ABCC11: variants seen among roughly 807,000 people sequenced by gnomAD.
ABCC11 encodes ATP binding cassette subfamily C member 11.
A neutral mutation model predicts 149.3 loss-of-function variants in ABCC11; 135 were observed. The observed-to-expected ratio is 0.90, with a 90% CI of 0.79 to 1.04. ABCC11 has a LOEUF of 1.04. ABCC11 is among the 50% of genes least tolerant of loss of function. ABCC11 has a pLI of 0.00. For synonymous variants in ABCC11, 665 were observed against 671.4 expected (o/e 0.99, Z 0.15); for missense variants, 1,680 against 1,722.1 (o/e 0.98, Z 0.43).
chr16:48,235,638 A>G (rs965222943), intron 1 of ABCC11, among the ~76,000 whole-genome samples: 3 of 152,174 alleles, frequency 2.0e-5, no homozygotes, highest in Non-Finnish European at 2.9e-5. Context: ...CTTCCTTGGC[A>G]GTCCCGGAAG....
At chr16:48,244,184 C>T (rs919217897) in intron 1 of ABCC11, 13 of 495,556 alleles carry the variant, frequency 2.6e-5, no homozygotes, top group African/African-American at 8.1e-5. Flanking sequence ...CGTCTTTCCG[C>T]ATAGGTAGGA....
chr16:48,179,628 T>C (rs958359885), intron 23 of ABCC11, among the ~76,000 whole-genome samples: 1 of 152,040 alleles, frequency 6.6e-6, no homozygotes, highest in African/African-American at 2.4e-5. Flanking sequence ...AGATCCCAGC[T>C]GGATGGAAAG....
chr16:48,177,148 TATC>T, intron 24 of ABCC11, 35 bp from the exon 25 acceptor site: 1 of 1,592,672 alleles, frequency 6.3e-7, no homozygotes, highest in Non-Finnish European at 8.6e-7. Context: ...AATCAATAGT[TATC>T]ATCTATCTCG....
At chr16:48,246,556 G>C (rs1971397575) in intron 1 of ABCC11, among the ~76,000 whole-genome samples, 1 of 152,118 alleles carries the variant, frequency 6.6e-6, no homozygotes, top group Non-Finnish European at 1.5e-5. Context: ...GATTTTGGAA[G>C]GTTTTTATTA....
At chr16:48,188,050 T>G (rs2150771457) in intron 20 of ABCC11, among the ~76,000 whole-genome samples, 1 of 152,314 alleles carries the variant, frequency 6.6e-6, no homozygotes. Flanking sequence ...ACTTGGAAGT[T>G]GCCACCCTTT....
rs200008945 is a variant in ABCC11, at chr16:48,231,874, G to A, written c.48C>T (p.Leu16=). 31 of 1,614,110 alleles carry A rather than the reference G, an allele frequency of 1.9e-5. No individual in the cohort carries two copies. In the East Asian group the frequency reaches 2.5e-4, roughly 13 times the overall value. Residue 16 remains leucine, a synonymous_variant, in exon 2 of 30, where the codon CTC becomes CTT. Coordinates refer to ENST00000356608, the MANE Select transcript of ABCC11 (RefSeq NM_001370497.1). ...CGCCTATGTCGATGCCACGATTCAC[G>A]AGGCCACCAGAAGAGTTGGGCACCC... ...TYWVPNSSGG[L]VNRGIDIGDD...
chr16:48,244,344 C>G (rs1971206537), intron 1 of ABCC11: 1 of 1,400,716 alleles, frequency 7.1e-7, no homozygotes, highest in Non-Finnish European at 9.5e-7. Context: ...GGGCAGCTGT[C>G]TGTCTGGCTC....
chr16:48,189,393 A>G (rs944860342), intron 20 of ABCC11, among the ~76,000 whole-genome samples: 6 of 152,214 alleles, frequency 3.9e-5, no homozygotes, highest in African/African-American at 1.2e-4. Flanking sequence ...CTAAGTATCA[A>G]AATGATCTGG....
chr16:48,200,173 A>G (rs1967820589), intron 15 of ABCC11, 103 bp downstream of exon 15: 1 of 1,267,750 alleles, frequency 7.9e-7, no homozygotes, highest in South Asian at 1.4e-5. Flanking sequence ...TGAGATGAGG[A>G]CAGCTGCTGG....
At position 48,230,501 on chromosome 16, in the gene ABCC11, C is replaced by T. The variant is rs1443490940; in HGVS notation, c.172G>A (p.Val58Ile). The T allele has an allele frequency of 6.2e-7, 1 of 1,612,710 alleles. No homozygotes were observed. Among genetic ancestry groups the T allele is most frequent in the Non-Finnish European group, 8.5e-7 (1 of 1,179,362 alleles). ...RNPEAPGRAA[V>I]PPWGKYDAAL... is the part of the protein sequence containing the mutation. ...GCATCATACTTCCCCCACGGTGGGA[C>T]AGCTGCCCTCCCTGGAGCCTCAGGA... Residue 58 changes from valine to isoleucine, a missense_variant, in exon 3 of 30, where the codon GTC (valine) becomes ATC (isoleucine). Coordinates refer to ENST00000356608, the MANE Select transcript of ABCC11 (RefSeq NM_001370497.1).
chr16:48,171,085 T>C, intron 26 of ABCC11, 118 bp from the exon 27 acceptor site: 1 of 899,076 alleles, frequency 1.1e-6, no homozygotes, highest in Non-Finnish European at 1.8e-6. Context: ...TTAGGGAAAT[T>C]CATGGAACCA....
chr16:48,202,959 T>G (rs1968125205), intron 14 of ABCC11, among the ~76,000 whole-genome samples: 1 of 152,142 alleles, frequency 6.6e-6, no homozygotes, highest in Non-Finnish European at 1.5e-5. Context: ...CTTGACAGGG[T>G]CTCCGCTCTT....
At chr16:48,180,680 T>A (rs1282426908) in intron 23 of ABCC11, among the ~76,000 whole-genome samples, 2 of 152,172 alleles carry the variant, frequency 1.3e-5, no homozygotes, top group Non-Finnish European at 2.9e-5. Context: ...AGGTTCTGGC[T>A]TGACTGGAGC....
intron 23 of ABCC11, among the ~76,000 whole-genome samples, chr16:48,179,794 T>C (rs1002365612): frequency 2.6e-5 from 4 of 152,152 alleles, no homozygotes; most frequent in African/African-American, 9.7e-5. Flanking sequence ...TAAGGTGAAG[T>C]AAGATGCAGT....
chr16:48,227,676 G>T (rs988186532), intron 4 of ABCC11, 130 bp downstream of exon 4: 1 of 1,184,580 alleles, frequency 8.4e-7, no homozygotes, highest in Non-Finnish European at 1.2e-6. Context: ...CTAGTATGAG[G>T]CCTCTTCCTA....
intron 6 of ABCC11, among the ~76,000 whole-genome samples, chr16:48,216,975 T>C (rs1458309284): frequency 6.6e-6 from 1 of 152,124 alleles, no homozygotes; most frequent in East Asian, 1.9e-4. Flanking sequence ...AATCTCAGAA[T>C]CCACCCCTTA....
At chr16:48,220,910 T>C (rs986870223) in intron 6 of ABCC11, among the ~76,000 whole-genome samples, 1 of 152,182 alleles carries the variant, frequency 6.6e-6, no homozygotes, top group African/African-American at 2.4e-5. Context: ...GGGCTCATAT[T>C]AGTAGGGCAG....
rs1261470723 is a variant in ABCC11 at position 48,222,597 on chromosome 16, C to T, written c.777+1G>A. The T allele has an allele frequency of 5.0e-6, 8 of 1,613,516 alleles. No individual in the cohort carries two copies. The highest frequency in any genetic ancestry group is 1.6e-4 in the Middle Eastern group (1 of 6,062). On this transcript the variant is annotated splice_donor_variant, in intron 6 of 29. Coordinates refer to ENST00000356608, the MANE Select transcript of ABCC11 (RefSeq NM_001370497.1). LOFTEE classifies it high-confidence loss of function. ...CAGAATAGGCAGTCCCAGCTGCTTA[C>T]CTCTCCTGAGGTGATGTGTATTACA...
Position 48,176,940 on chromosome 16 carries a change from C to T in ABCC11, c.3522G>A (p.Val1174=), listed in dbSNP as rs750995040. 1.2e-6 allele frequency: 2 copies of T among 1,613,786 alleles called. 1 individual carries two copies. The highest frequency in any genetic ancestry group is 2.7e-5 in the African/African-American group (2 of 75,046). ...TCAGCTCACCAGAGCCCGTCCTTCC[C>T]ACGATGCCCACCACTTCGTGGCCGC... is the stretch of plus-strand genomic sequence containing the variant. The part of the protein sequence containing the change: ...TIRGHEVVGI[V]GRTGSGKSSL... Residue 1174 remains valine (V), a synonymous_variant, in exon 25 of 30, where the codon GTG becomes GTA. Transcript: ENST00000356608.
Sources: gnomAD v4.1 joint callset for allele counts (sites outside exome capture counted in the v4.1 genomes callset) on GRCh38, gnomAD v4.1.1 for gene constraint, MANE v1.5 for transcripts, NCBI Gene and HGNC (gene_info 2026-07-23, HGNC 2026-07-21) for gene names.